Variants in GLIS3 observed in about 807,000 individuals in gnomAD.
The protein encoded by GLIS3 is zinc finger protein GLIS3.
GLIS3 carries 53 observed loss-of-function variants against 78.6 expected under a neutral mutation model. The ratio of observed to expected loss-of-function variants is 0.67; its 90% CI spans 0.54 to 0.85. The LOEUF is 0.85. Ranked by LOEUF, GLIS3 falls within the 40% of genes least tolerant of loss-of-function variation. The pLI is 0.00. For missense variants in GLIS3, 1,703 were observed against 1,231.1 expected (o/e 1.38, Z -5.74); for synonymous variants, 684 against 509.9 (o/e 1.34, Z -4.60).
chr9:3,869,174 C>CT (rs1563795302), intron 8 of GLIS3, among the ~76,000 whole-genome samples: 1 of 152,122 alleles, frequency 6.6e-6, no homozygotes, highest in African/African-American at 2.4e-5. Flanking sequence ...CCTCTAGTGC[C>CT]GGGGTAGATT....
At chr9:4,489,700 C>T in the GLIS3 span, among the ~76,000 whole-genome samples, 16 of 152,328 alleles carry the variant, frequency 1.1e-4, no homozygotes, top group African/African-American at 3.1e-4. Flanking sequence ...CTCCCCAGAG[C>T]GGCTCCCGGG....
chr9:4,301,926 A>G (rs1257109469), upstream of GLIS3, among the ~76,000 whole-genome samples: 7 of 152,286 alleles, frequency 4.6e-5, 1 homozygote, highest in Admixed American at 3.3e-4. Context: ...TGTGATTTTC[A>G]TGAACCTCTA....
At chr9:4,331,444 G>C (rs1817684947) in intron 2 of GLIS3, among the ~76,000 whole-genome samples, 2 of 152,062 alleles carry the variant, frequency 1.3e-5, no homozygotes, top group African/African-American at 4.8e-5. Context: ...ATTTCGGGGG[G>C]ACACTATTCA....
At chr9:4,216,632 G>C (rs1342703652) in intron 2 of GLIS3, among the ~76,000 whole-genome samples, 2 of 152,054 alleles carry the variant, frequency 1.3e-5, no homozygotes. Flanking sequence ...ATGAGTTCAT[G>C]GTGATGCATA....
At chr9:4,161,675 CTTTTT>C in intron 2 of GLIS3, among the ~76,000 whole-genome samples, 1 of 114,202 alleles carries the variant, frequency 8.8e-6, no homozygotes, top group East Asian at 2.7e-4. Context: ...TGCTAGAAGT[CTTTTT>C]TTTTTTTTTT....
intron 4 of GLIS3, among the ~76,000 whole-genome samples, chr9:4,098,592 A>G (rs888354095): frequency 7.2e-5 from 11 of 152,198 alleles, no homozygotes; most frequent in African/African-American, 2.4e-4. Context: ...CCAACTATGT[A>G]TCCTACAACT....
chr9:4,295,064 A>G (rs1816362190), intron 1 of GLIS3, among the ~76,000 whole-genome samples: 1 of 152,226 alleles, frequency 6.6e-6, no homozygotes, highest in African/African-American at 2.4e-5. Context: ...CAGAAATTCT[A>G]TTCCATTCTT....
chr9:4,197,171 G>A (rs1049576573), intron 2 of GLIS3, among the ~76,000 whole-genome samples: 7 of 152,154 alleles, frequency 4.6e-5, no homozygotes, highest in Non-Finnish European at 8.8e-5. Flanking sequence ...CACACAGGCA[G>A]TAGGCAGATC....
the GLIS3 span, among the ~76,000 whole-genome samples, chr9:4,413,770 A>G: frequency 9.2e-5 from 14 of 152,186 alleles, no homozygotes; most frequent in East Asian, 2.7e-3. Context: ...CCTTCCACTG[A>G]CCATTTTTAC....
intron 2 of GLIS3, among the ~76,000 whole-genome samples, chr9:4,343,038 A>C (rs1817857119): frequency 6.6e-6 from 1 of 152,186 alleles, no homozygotes; most frequent in African/African-American, 2.4e-5. Context: ...AGAGAAAAGC[A>C]AATCAAAACC....
At chr9:4,193,084 GT>G (rs1441377903) in intron 2 of GLIS3, among the ~76,000 whole-genome samples, 1 of 152,208 alleles carries the variant, frequency 6.6e-6, no homozygotes, top group Admixed American at 6.5e-5. Flanking sequence ...CCTTTGATGG[GT>G]TTAAGCATTC....
intron 6 of GLIS3, among the ~76,000 whole-genome samples, chr9:3,899,296 C>A (rs1823108594): frequency 6.6e-6 from 1 of 151,940 alleles, no homozygotes; most frequent in African/African-American, 2.4e-5. Flanking sequence ...AAGGAAAATA[C>A]TCAAGTTAAA....
intron 4 of GLIS3, among the ~76,000 whole-genome samples, chr9:3,980,148 T>A (rs769935994): frequency 6.6e-6 from 1 of 152,212 alleles, no homozygotes; most frequent in South Asian, 2.1e-4. Context: ...CCCTATATCA[T>A]ATTTTGTTTA....
chr9:4,158,123 C>A (rs1157921993), intron 2 of GLIS3, among the ~76,000 whole-genome samples: 1 of 151,962 alleles, frequency 6.6e-6, no homozygotes, highest in Non-Finnish European at 1.5e-5. Flanking sequence ...GGGAAAAAAT[C>A]TTTTTTTTCC....
chr9:4,043,607 G>A (rs370707257), intron 4 of GLIS3, among the ~76,000 whole-genome samples: 8 of 152,160 alleles, frequency 5.3e-5, no homozygotes, highest in African/African-American at 1.9e-4. Flanking sequence ...CTGGGGAGGT[G>A]GTTTTGAGCA....
the GLIS3 span, among the ~76,000 whole-genome samples, chr9:4,426,565 A>C: frequency 3.3e-5 from 5 of 152,218 alleles, no homozygotes; most frequent in Non-Finnish European, 7.3e-5. Context: ...TTCTCTATAG[A>C]GCTTTTCCTG....
At chr9:4,384,761 C>T in the GLIS3 span, among the ~76,000 whole-genome samples, 25 of 152,034 alleles carry the variant, frequency 1.6e-4, no homozygotes, top group South Asian at 4.1e-4. Flanking sequence ...TCCAGAGTCA[C>T]GTGTCTTCCT....
chr9:3,974,132 C>G (rs1436562094), intron 4 of GLIS3, among the ~76,000 whole-genome samples: 1 of 152,050 alleles, frequency 6.6e-6, no homozygotes, highest in Non-Finnish European at 1.5e-5. Flanking sequence ...TACATGAAAA[C>G]AGAGGAAAGA....
At chr9:3,891,084 AG>A (rs55822122) in intron 7 of GLIS3, among the ~76,000 whole-genome samples, 17,594 of 145,838 alleles carry the variant, frequency 0.12, 1,266 homozygotes, top group Non-Finnish European at 0.16. Context: ...AAAAAAAAGA[AG>A]AAGAAGAAAG....
Sources: allele counts gnomAD v4.1 joint callset (sites outside exome capture counted in the v4.1 genomes callset), GRCh38; gene constraint gnomAD v4.1.1; transcripts MANE v1.5; gene names NCBI Gene and HGNC (gene_info 2026-07-23, HGNC 2026-07-21).